Variants in PTPRD observed in about 807,000 individuals in gnomAD.
PTPRD encodes the protein protein tyrosine phosphatase receptor type D, also known as receptor-type tyrosine-protein phosphatase delta.
In PTPRD, 34 loss-of-function variants were observed where a neutral mutation model predicts 214.5. The ratio of observed to expected loss-of-function variants is 0.16; its 90% CI spans 0.12 to 0.21. PTPRD has a LOEUF of 0.21. PTPRD is among the 10% of genes least tolerant of loss of function. The pLI, the probability that PTPRD is intolerant of heterozygous loss-of-function variation, is 1.00. For synonymous variants in PTPRD, 1,128 were observed against 845.7 expected (o/e 1.33, Z -5.79); for missense variants, 2,545 against 2,398.7 (o/e 1.06, Z -1.27).
rs539474519 is a variant in PTPRD at position 8,480,745 on chromosome 9, A to T, written c.3413+3374T>A. Reference sequence around the variant, plus strand: ...TGTCAAGATCAATTAATAAACATTCAGAATGAATACACAAATCAAGGAATA... The same window carrying T: ...TGTCAAGATCAATTAATAAACATTCTGAATGAATACACAAATCAAGGAATA... On this transcript the variant is annotated intron_variant, in intron 30 of 45. Transcript: ENST00000381196. 1.8e-3 allele frequency among the ~76,000 whole-genome samples: 276 copies of T among 152,360 alleles called. 2 individuals are homozygous for T. The highest frequency in any genetic ancestry group is 6.2e-3 in the African/African-American group (257 of 41,582).
intron 3 of PTPRD, among the ~76,000 whole-genome samples, chr9:10,275,499 C>T (rs10958996): frequency 0.045 from 6,792 of 152,150 alleles, 357 homozygotes; most frequent in Admixed American, 0.13. Flanking sequence ...ACTACCTACA[C>T]ACATTTAGTA....
At chr9:9,229,149 T>A (rs2099961459) in intron 9 of PTPRD, among the ~76,000 whole-genome samples, 2 of 152,162 alleles carry the variant, frequency 1.3e-5, no homozygotes, top group Non-Finnish European at 2.9e-5. Flanking sequence ...TTTATTGCTA[T>A]ATTCTTGGTC....
Position 9,920,874 on chromosome 9 carries a change from C to T in PTPRD, c.-368+17633G>A, listed in dbSNP as rs1031431126. On this transcript the variant is annotated intron_variant, in intron 5 of 45. Transcript: ENST00000381196. ...TTCCATCTATCATGGGAGCCTATAA[C>T]GCAGGATGAACGAAGAAGGATTTAA... is the stretch of plus-strand genomic sequence containing the variant. 1.6e-4 allele frequency among the ~76,000 whole-genome samples: 25 copies of T among 152,044 alleles called. 1 individual carries two copies. The highest frequency in any genetic ancestry group is 8.8e-5 in the Non-Finnish European group (6 of 67,998).
chr9:9,394,996 G>A (rs2067242897), intron 9 of PTPRD, among the ~76,000 whole-genome samples: 2 of 151,990 alleles, frequency 1.3e-5, no homozygotes, highest in African/African-American at 4.8e-5. Flanking sequence ...AATTAGAGAA[G>A]CTATTTTGGT....
At chr9:10,178,690 A>T (rs1420819321) in intron 3 of PTPRD, among the ~76,000 whole-genome samples, 1 of 151,924 alleles carries the variant, frequency 6.6e-6, no homozygotes, top group South Asian at 2.1e-4. Flanking sequence ...ATTTCTCAGA[A>T]TTGGTACTAT....
chr9:9,189,361 G>C (rs1331023369), intron 9 of PTPRD, among the ~76,000 whole-genome samples: 1 of 152,024 alleles, frequency 6.6e-6, no homozygotes, highest in Non-Finnish European at 1.5e-5. Flanking sequence ...GTTAACTGCA[G>C]ATATAGAAGA....
chr9:9,858,108 C>T (rs1435429859), intron 5 of PTPRD, among the ~76,000 whole-genome samples: 1 of 152,072 alleles, frequency 6.6e-6, no homozygotes, highest in African/African-American at 2.4e-5. Flanking sequence ...ATAGTCTGTG[C>T]AATTGTTTTA....
chr9:9,779,599 A>T (rs2098827127), intron 5 of PTPRD, among the ~76,000 whole-genome samples: 1 of 152,220 alleles, frequency 6.6e-6, no homozygotes, highest in Admixed American at 6.5e-5. Context: ...AAACATATAT[A>T]AAAAATGCTC....
chr9:10,314,179 A>G (rs2096355584), intron 3 of PTPRD, among the ~76,000 whole-genome samples: 1 of 151,966 alleles, frequency 6.6e-6, no homozygotes, highest in African/African-American at 2.4e-5. Context: ...TTAATATGGT[A>G]GATACATACA....
chr9:9,018,091 C>T (rs564634974), intron 11 of PTPRD, among the ~76,000 whole-genome samples: 1 of 151,752 alleles, frequency 6.6e-6, no homozygotes, highest in East Asian at 1.9e-4. Flanking sequence ...TCAGTTCTTC[C>T]CTTACTCATT....
intron 2 of PTPRD, among the ~76,000 whole-genome samples, chr9:10,422,462 A>T (rs2098554323): frequency 6.6e-6 from 1 of 152,090 alleles, no homozygotes; most frequent in African/African-American, 2.4e-5. Context: ...GACAAATGGG[A>T]TCTAATTAAA....
chr9:10,074,409 C>A (rs1239478485), intron 3 of PTPRD, among the ~76,000 whole-genome samples: 17 of 152,142 alleles, frequency 1.1e-4, no homozygotes, highest in Non-Finnish European at 2.5e-4. Context: ...AGTCCCTCAT[C>A]ATGCATCAAT....
intron 39 of PTPRD, among the ~76,000 whole-genome samples, chr9:8,357,959 C>A: frequency 6.6e-6 from 1 of 152,250 alleles, no homozygotes; most frequent in East Asian, 1.9e-4. Context: ...CAAAGGAAAC[C>A]AATACTTCTT....
At chr9:8,862,724 C>G (rs12236086) in intron 11 of PTPRD, among the ~76,000 whole-genome samples, 79,984 of 152,140 alleles carry the variant, frequency 0.53, 21,575 homozygotes, top group East Asian at 0.66. Context: ...AGCATCTCTT[C>G]TTGCTGTTAG....
intron 7 of PTPRD, among the ~76,000 whole-genome samples, chr9:9,692,008 T>C (rs1249320855): frequency 6.6e-6 from 1 of 152,146 alleles, no homozygotes; most frequent in African/African-American, 2.4e-5. Flanking sequence ...GAACTCCATA[T>C]ATACTCTGGT....
intron 11 of PTPRD, among the ~76,000 whole-genome samples, chr9:8,848,616 T>C (rs1283173093): frequency 6.6e-6 from 1 of 151,856 alleles, no homozygotes; most frequent in Non-Finnish European, 1.5e-5. Context: ...CATAGATTTT[T>C]CTTGAATTTG....
intron 8 of PTPRD, among the ~76,000 whole-genome samples, chr9:9,489,470 C>A (rs1410210912): frequency 6.6e-6 from 1 of 151,992 alleles, no homozygotes; most frequent in African/African-American, 2.4e-5. Context: ...GACTTTATAA[C>A]AAAGTCTTAA....
chr9:9,182,777 C>A (rs543749124), intron 10 of PTPRD, among the ~76,000 whole-genome samples: 3 of 152,030 alleles, frequency 2.0e-5, no homozygotes, highest in East Asian at 3.9e-4. Context: ...TAAATCATAA[C>A]CTGTTATTGT....
chr9:9,854,802 C>G (rs2061239984), intron 5 of PTPRD, among the ~76,000 whole-genome samples: 1 of 152,116 alleles, frequency 6.6e-6, no homozygotes, highest in Non-Finnish European at 1.5e-5. Context: ...CTAATTTTGA[C>G]AGTGTTTCTG....
Sources: allele counts gnomAD v4.1 joint callset (sites outside exome capture counted in the v4.1 genomes callset), GRCh38; gene constraint gnomAD v4.1.1; transcripts MANE v1.5; gene names NCBI Gene and HGNC (gene_info 2026-07-23, HGNC 2026-07-21).